The following ST6GALNAC5 variants were observed in gnomAD, a reference collection of about 807,000 sequenced individuals.
ST6GALNAC5 encodes the protein ST6 N-acetylgalactosaminide alpha-2,6-sialyltransferase 5, also known as alpha-N-acetylgalactosaminide alpha-2,6-sialyltransferase 5.
Under a neutral mutation model 33.6 loss-of-function variants are expected in ST6GALNAC5, and 27 were observed. That is an observed-to-expected ratio of 0.80 (90% confidence interval 0.59 to 1.11). The LOEUF is 1.11. ST6GALNAC5 is among the 50% of genes least tolerant of loss of function. The pLI is 0.00. For missense variants in ST6GALNAC5, 428 were observed against 454.0 expected (o/e 0.94, Z 0.52); for synonymous variants, 194 against 171.2 (o/e 1.13, Z -1.04).
At position 76,914,769 on chromosome 1, in the gene ST6GALNAC5, A is replaced by G. The variant is rs987066060; in HGVS notation, c.261+46027A>G. Among the ~76,000 whole-genome samples, 471 of 152,298 alleles carry G rather than the reference A, an allele frequency of 3.1e-3. 5 individuals are homozygous for G. The highest frequency in any genetic ancestry group is 0.011 in the African/African-American group (453 of 41,570). Reference sequence around the variant, plus strand: ...GAAAACCTAGGCATTACCATTCAGGACATAGGCATGGGCAAGGACTTCATG... The same window carrying G: ...GAAAACCTAGGCATTACCATTCAGGGCATAGGCATGGGCAAGGACTTCATG... On this transcript the variant is annotated intron_variant, in intron 2 of 4. Transcript: ENST00000477717.
intron 2 of ST6GALNAC5, among the ~76,000 whole-genome samples, chr1:76,912,576 A>G (rs1242265070): frequency 6.6e-6 from 1 of 151,006 alleles, no homozygotes; most frequent in African/African-American, 2.4e-5. Context: ...TTTGTAGGTC[A>G]CTCAGGACTT....
At chr1:77,009,200 A>G (rs1376986480) in intron 2 of ST6GALNAC5, among the ~76,000 whole-genome samples, 1 of 152,162 alleles carries the variant, frequency 6.6e-6, no homozygotes, top group East Asian at 1.9e-4. Context: ...GTAACTTTCC[A>G]CCAGACTTTA....
chr1:76,878,755 A>G (rs371875495), intron 2 of ST6GALNAC5, among the ~76,000 whole-genome samples: 5 of 152,262 alleles, frequency 3.3e-5, no homozygotes, highest in African/African-American at 1.2e-4. Flanking sequence ...TCTTTTGTCC[A>G]TTTGACTTCG....
rs1210268783 is a variant in ST6GALNAC5, at chr1:76,978,837, G to T, written c.262-65367G>T. On this transcript the variant is annotated intron_variant, in intron 2 of 4. Transcript: ENST00000477717. ...AAATCTGAAAGGAGGAAGCCAAATT[G>T]TCCCTGGTTGCAGATGACATGGTCA... Among the ~76,000 whole-genome samples, 3 of 152,222 alleles carry T rather than the reference G, an allele frequency of 2.0e-5. No homozygotes were observed. The East Asian group carries it at 5.8e-4, about 29-fold the overall frequency.
rs779167206 is a variant in ST6GALNAC5 at position 76,868,523 on chromosome 1, G to C, written c.42G>C (p.Ala14=). ...GCCATGGTCTGGCAGTGTGTTTAGC[G>C]CTCACCACCATGTGCACCAGCTTGT... ...LMRHGLAVCL[A]LTTMCTSLLL... is the part of the protein sequence containing the mutation. The change falls in exon 2 of 5, where the codon GCG becomes GCC. Residue 14 remains alanine (A), a synonymous_variant. Coordinates refer to ENST00000477717, the MANE Select transcript of ST6GALNAC5 (RefSeq NM_030965.3). This position sits in a 1 kb window ranked among gnomAD's most constrained non-coding sequence, Gnocchi z 4.3. 6.2e-7 allele frequency: 1 copy of C among 1,612,100 alleles called. No individual in the cohort carries two copies. The highest frequency in any genetic ancestry group is 8.5e-7 in the Non-Finnish European group (1 of 1,178,820).
chr1:76,916,328 G>T (rs889239791), intron 2 of ST6GALNAC5, among the ~76,000 whole-genome samples: 3 of 152,038 alleles, frequency 2.0e-5, no homozygotes, highest in Non-Finnish European at 4.4e-5. Flanking sequence ...AAACAACCAT[G>T]CATTTACAAA....
rs1000005025 is a variant in ST6GALNAC5, at chr1:77,066,196, T to A, written c.*2990T>A. Among the ~76,000 whole-genome samples the A allele has an allele frequency of 6.6e-6, 1 of 152,004 alleles. No individual in the cohort carries two copies. The highest frequency in any genetic ancestry group is 2.4e-5 in the African/African-American group (1 of 41,372). On this transcript the variant is annotated 3_prime_UTR_variant, in exon 5 of 5. Transcript: ENST00000477717. ...GGTGTGTACTCCTAAGGGCTACACA[T>A]AAAACCTGAGCAATTCAGAGACTTC... is the stretch of plus-strand genomic sequence containing the variant.
At chr1:77,016,470 G>GTAA (rs1406745441) in intron 2 of ST6GALNAC5, among the ~76,000 whole-genome samples, 1 of 151,848 alleles carries the variant, frequency 6.6e-6, no homozygotes, top group African/African-American at 2.4e-5. Flanking sequence ...ACTTCTGGAG[G>GTAA]TAATGCCTTT....
At chr1:77,020,327 T>C (rs1183178533) in intron 2 of ST6GALNAC5, among the ~76,000 whole-genome samples, 1 of 152,192 alleles carries the variant, frequency 6.6e-6, no homozygotes, top group Non-Finnish European at 1.5e-5. Flanking sequence ...TTCCTTCTCA[T>C]TGGAGAGCTA....
intron 2 of ST6GALNAC5, among the ~76,000 whole-genome samples, chr1:77,018,619 G>T (rs1268053459): frequency 6.6e-6 from 1 of 152,144 alleles, no homozygotes; most frequent in African/African-American, 2.4e-5. Context: ...TGGGAATCTG[G>T]CCTCAGTTTA....
At chr1:76,946,294 C>T (rs1008447811) in intron 2 of ST6GALNAC5, among the ~76,000 whole-genome samples, 1 of 152,078 alleles carries the variant, frequency 6.6e-6, no homozygotes. Context: ...CACTCATTTC[C>T]TCCACCAGGT....
At chr1:77,027,991 G>A (rs917123943) in intron 2 of ST6GALNAC5, among the ~76,000 whole-genome samples, 3 of 152,290 alleles carry the variant, frequency 2.0e-5, no homozygotes, top group African/African-American at 4.8e-5. Flanking sequence ...CATCAGCCCC[G>A]AGTGCAACTA....
chr1:76,957,139 C>A (rs752319891), intron 2 of ST6GALNAC5, among the ~76,000 whole-genome samples: 1 of 152,144 alleles, frequency 6.6e-6, no homozygotes, highest in Non-Finnish European at 1.5e-5. Flanking sequence ...GACTGGGTAA[C>A]TTAAAACAAT....
Position 76,959,024 on chromosome 1 carries a change from G to C in ST6GALNAC5, c.262-85180G>C, listed in dbSNP as rs182350375. On this transcript the variant is annotated intron_variant, in intron 2 of 4. Transcript: ENST00000477717. The stretch of plus-strand genomic sequence containing the variant: ...TCCTCTGCCTCCTCCTCTTTGCCAA[G>C]CATTCACCGGCTGACTTTCGGCTCC... Among the ~76,000 whole-genome samples the C allele has an allele frequency of 2.3e-3, 345 of 152,272 alleles. 2 individuals carry two copies. The highest frequency in any genetic ancestry group is 7.9e-3 in the African/African-American group (327 of 41,560).
chr1:77,061,477 A>C (rs1652572978), intron 4 of ST6GALNAC5, among the ~76,000 whole-genome samples: 1 of 152,202 alleles, frequency 6.6e-6, no homozygotes, highest in Non-Finnish European at 1.5e-5. Context: ...TTGGGAAACC[A>C]AGTTATTATA....
At chr1:77,025,866 C>T (rs765232527) in intron 2 of ST6GALNAC5, among the ~76,000 whole-genome samples, 6 of 152,154 alleles carry the variant, frequency 3.9e-5, no homozygotes, top group Non-Finnish European at 8.8e-5. Flanking sequence ...CACCCACCCT[C>T]CACGGGTGGG....
At chr1:76,972,555 A>G (rs955011819) in intron 2 of ST6GALNAC5, among the ~76,000 whole-genome samples, 1 of 152,184 alleles carries the variant, frequency 6.6e-6, no homozygotes, top group African/African-American at 2.4e-5. Flanking sequence ...GTCCCATATT[A>G]TATATTATAC....
At chr1:76,992,515 G>C (rs1009475626) in intron 2 of ST6GALNAC5, among the ~76,000 whole-genome samples, 10 of 137,200 alleles carry the variant, frequency 7.3e-5, no homozygotes, top group African/African-American at 2.7e-4. Context: ...TTTTATTTGA[G>C]ACCGGTTCTG....
intron 4 of ST6GALNAC5, among the ~76,000 whole-genome samples, chr1:77,058,785 A>T (rs1284178984): frequency 6.6e-6 from 1 of 152,234 alleles, no homozygotes; most frequent in East Asian, 1.9e-4. Flanking sequence ...AGTCAAGTCC[A>T]GCAGCTTGGA....
Sources: allele counts gnomAD v4.1 joint callset (sites outside exome capture counted in the v4.1 genomes callset), GRCh38; gene constraint gnomAD v4.1.1; non-coding constraint Gnocchi (gnomAD v3.1); transcripts MANE v1.5; gene names NCBI Gene and HGNC (gene_info 2026-07-23, HGNC 2026-07-21).